ASTN2: variants seen among roughly 807,000 people sequenced by gnomAD.
The protein encoded by ASTN2 is astrotactin 2, also known as astrotactin-2.
Under a neutral mutation model 139.8 loss-of-function variants are expected in ASTN2, and 54 were observed. That is an observed-to-expected ratio of 0.39 (90% confidence interval 0.31 to 0.48). The LOEUF is 0.48. Among genes scored for constraint, ASTN2 ranks in the 20% least tolerant of loss-of-function variants. The pLI is 0.95. For missense variants in ASTN2, 1,565 were observed against 1,725.1 expected (o/e 0.91, Z 1.64); for synonymous variants, 756 against 719.5 (o/e 1.05, Z -0.81).
intron 19 of ASTN2, among the ~76,000 whole-genome samples, chr9:116,580,569 A>C (rs1247453150): frequency 3.9e-5 from 6 of 152,184 alleles, no homozygotes; most frequent in Non-Finnish European, 7.3e-5. Context: ...AGCTGGTGGC[A>C]AGGGATGGCC....
chr9:117,218,182 G>A lies in ASTN2; in HGVS notation c.631-3440C>T, dbSNP rs575465589. 9.2e-5 allele frequency among the ~76,000 whole-genome samples: 14 copies of A among 152,332 alleles called. No homozygotes were observed. In the East Asian group the frequency reaches 2.7e-3, roughly 29 times the overall value. ...AGGAAACTTCCAGAAGAATGTGGCA[G>A]AGGGACCCCCTGGTTTGGGAGGCAC... On this transcript the variant is annotated intron_variant, in intron 2 of 22. Transcript: ENST00000313400.
chr9:117,328,720 G>A (rs1003466317), intron 1 of ASTN2, among the ~76,000 whole-genome samples: 38 of 152,320 alleles, frequency 2.5e-4, no homozygotes, highest in African/African-American at 8.9e-4. Flanking sequence ...GGCTAAAGCT[G>A]AATCAGGACT....
At chr9:116,864,849 C>G (rs1176074367) in intron 10 of ASTN2, among the ~76,000 whole-genome samples, 1 of 152,186 alleles carries the variant, frequency 6.6e-6, no homozygotes, top group Non-Finnish European at 1.5e-5. Context: ...TAATTCATTT[C>G]CTGCCTCCAG....
intron 16 of ASTN2, among the ~76,000 whole-genome samples, chr9:116,657,364 C>T (rs1858280304): frequency 6.6e-6 from 1 of 152,182 alleles, no homozygotes; most frequent in African/African-American, 2.4e-5. Context: ...GTTGTTGTTG[C>T]TGTAGTTGTC....
At chr9:116,893,167 A>T (rs1024386173) in intron 10 of ASTN2, among the ~76,000 whole-genome samples, 11 of 147,402 alleles carry the variant, frequency 7.5e-5, no homozygotes, top group African/African-American at 2.0e-4. Flanking sequence ...TATCACACAC[A>T]CACACACACA....
intron 19 of ASTN2, among the ~76,000 whole-genome samples, chr9:116,513,645 C>T (rs137990060): frequency 0.017 from 2,605 of 152,284 alleles, 41 homozygotes; most frequent in Non-Finnish European, 0.028. Context: ...ACCTATCAGA[C>T]GTAGATTTGG....
chr9:116,542,913 C>CTA (rs1851934374), intron 19 of ASTN2, among the ~76,000 whole-genome samples: 1 of 151,906 alleles, frequency 6.6e-6, no homozygotes, highest in African/African-American at 2.4e-5. Context: ...GAGCAAAACT[C>CTA]TATCTCAAAA....
intron 1 of ASTN2, among the ~76,000 whole-genome samples, chr9:117,296,374 G>C (rs1428414582): frequency 1.3e-5 from 2 of 151,280 alleles, no homozygotes; most frequent in Non-Finnish European, 2.9e-5. Flanking sequence ...TGGTGATACT[G>C]TGTACATTTT....
intron 5 of ASTN2, among the ~76,000 whole-genome samples, chr9:117,076,225 G>A (rs1828276933): frequency 6.6e-6 from 1 of 152,162 alleles, no homozygotes; most frequent in Non-Finnish European, 1.5e-5. Flanking sequence ...GCTGGAGTGG[G>A]GAATAGCTGA....
At chr9:117,271,551 C>T (rs553901150) in intron 2 of ASTN2, among the ~76,000 whole-genome samples, 1 of 152,256 alleles carries the variant, frequency 6.6e-6, no homozygotes, top group South Asian at 2.1e-4. Context: ...GTCCACAGTC[C>T]AAAGTCTCAT....
chr9:116,763,742 G>A (rs980164793), intron 13 of ASTN2, among the ~76,000 whole-genome samples: 1 of 152,194 alleles, frequency 6.6e-6, no homozygotes, highest in African/African-American at 2.4e-5. Context: ...GTTACAGAGA[G>A]GACTGAATAG....
intron 2 of ASTN2, among the ~76,000 whole-genome samples, chr9:117,280,684 G>A (rs965814261): frequency 6.6e-6 from 1 of 152,118 alleles, no homozygotes; most frequent in Admixed American, 6.5e-5. Flanking sequence ...CCAAAACTGT[G>A]ACAGAATAAA....
intron 19 of ASTN2, among the ~76,000 whole-genome samples, chr9:116,508,025 G>C (rs1337140732): frequency 6.6e-6 from 1 of 152,078 alleles, no homozygotes; most frequent in African/African-American, 2.4e-5. Context: ...AGTAGCTGGG[G>C]TTAAAGGCAT....
chr9:116,571,882 G>A (rs916971223), intron 19 of ASTN2, among the ~76,000 whole-genome samples: 5 of 152,062 alleles, frequency 3.3e-5, no homozygotes, highest in African/African-American at 7.2e-5. Flanking sequence ...TGTCCCTGTT[G>A]GGTGATGTGC....
At chr9:116,641,144 G>A (rs1219552639) in intron 17 of ASTN2, among the ~76,000 whole-genome samples, 2 of 152,168 alleles carry the variant, frequency 1.3e-5, no homozygotes, top group African/African-American at 4.8e-5. Context: ...TTTATGGTAG[G>A]AGCCAATCCT....
chr9:116,541,467 T>A (rs910841136), intron 19 of ASTN2, among the ~76,000 whole-genome samples: 1 of 152,204 alleles, frequency 6.6e-6, no homozygotes, highest in Admixed American at 6.5e-5. Flanking sequence ...CTTGTTGCCA[T>A]GGTTTTCCTA....
chr9:117,332,602 A>G (rs1352814644), intron 1 of ASTN2, among the ~76,000 whole-genome samples: 2 of 152,130 alleles, frequency 1.3e-5, no homozygotes, highest in Admixed American at 1.3e-4. Flanking sequence ...CAAAAAGGAC[A>G]CAGGATTAGC....
chr9:116,583,506 T>A (rs563296176), intron 19 of ASTN2: 1 of 152,024 alleles, frequency 6.6e-6, no homozygotes, highest in Non-Finnish European at 1.5e-5. Context: ...TCTGTACATG[T>A]GCTGGTTAGG....
intron 20 of ASTN2, among the ~76,000 whole-genome samples, chr9:116,445,723 T>A (rs574662202): frequency 9.1e-4 from 138 of 152,332 alleles, no homozygotes; most frequent in African/African-American, 3.2e-3. Context: ...TCTCCTCACC[T>A]GTAAAATAGG....
Sources: gnomAD v4.1 joint callset for allele counts (sites outside exome capture counted in the v4.1 genomes callset) on GRCh38, gnomAD v4.1.1 for gene constraint, MANE v1.5 for transcripts, NCBI Gene and HGNC (gene_info 2026-07-23, HGNC 2026-07-21) for gene names.